Variants in DLGAP1 observed in about 807,000 individuals in gnomAD.
DLGAP1 encodes DLG associated protein 1, also known as disks large-associated protein 1.
A neutral mutation model predicts 90.8 loss-of-function variants in DLGAP1; 11 were observed. That is an observed-to-expected ratio of 0.12 (90% CI 0.08 to 0.20). The LOEUF (loss-of-function observed/expected upper bound fraction) is 0.20, where lower values mean the gene tolerates loss of function less well. Among genes scored for constraint, DLGAP1 ranks in the 10% least tolerant of loss-of-function variants. DLGAP1 has a pLI of 1.00. For missense variants in DLGAP1, 1,050 were observed against 1,333.8 expected (o/e 0.79, Z 3.31); for synonymous variants, 558 against 540.7 (o/e 1.03, Z -0.44).
At chr18:3,664,569 T>C (rs2059811332) in intron 7 of DLGAP1, among the ~76,000 whole-genome samples, 1 of 152,172 alleles carries the variant, frequency 6.6e-6, no homozygotes, top group Non-Finnish European at 1.5e-5. Context: ...CCTTTGACTC[T>C]TAGCTAATGA....
At chr18:4,014,225 A>G (rs1167915416) in intron 2 of DLGAP1, among the ~76,000 whole-genome samples, 2 of 151,926 alleles carry the variant, frequency 1.3e-5, no homozygotes, top group African/African-American at 4.8e-5. Flanking sequence ...AGCTGGGACT[A>G]CAGGTGCGCA....
intron 1 of DLGAP1, among the ~76,000 whole-genome samples, chr18:4,187,190 A>T (rs1020866876): frequency 2.6e-5 from 4 of 152,164 alleles, no homozygotes; most frequent in East Asian, 3.9e-4. Context: ...GAACCATTTC[A>T]TCGGCAAACA....
At chr18:4,368,645 AC>A (rs1363318413) in intron 1 of DLGAP1, among the ~76,000 whole-genome samples, 12 of 96,888 alleles carry the variant, frequency 1.2e-4, no homozygotes. Flanking sequence ...ATACACACAC[AC>A]ACACACACAC....
At chr18:4,166,427 G>C (rs1233461836) in intron 1 of DLGAP1, among the ~76,000 whole-genome samples, 2 of 152,102 alleles carry the variant, frequency 1.3e-5, no homozygotes, top group Non-Finnish European at 1.5e-5. Context: ...ATTGCTGGTG[G>C]GAATGTAAAA....
intron 1 of DLGAP1, among the ~76,000 whole-genome samples, chr18:4,272,621 T>C (rs112063368): frequency 0.011 from 1,685 of 152,314 alleles, 32 homozygotes; most frequent in African/African-American, 0.039. Flanking sequence ...TCAGACTGTT[T>C]TGCAGCACCA....
At chr18:3,584,101 C>T (rs977830370) in intron 7 of DLGAP1, among the ~76,000 whole-genome samples, 7 of 152,140 alleles carry the variant, frequency 4.6e-5, no homozygotes, top group Non-Finnish European at 1.0e-4. Flanking sequence ...AAGCTTTACA[C>T]GTTGGCTTTC....
chr18:4,055,165 G>A (rs1393460892), intron 2 of DLGAP1, among the ~76,000 whole-genome samples: 1 of 152,156 alleles, frequency 6.6e-6, no homozygotes, highest in Non-Finnish European at 1.5e-5. Context: ...GGTCACTGTG[G>A]TCACTGAGGG....
At chr18:3,918,275 G>T (rs560123467) in intron 3 of DLGAP1, among the ~76,000 whole-genome samples, 1 of 152,288 alleles carries the variant, frequency 6.6e-6, no homozygotes, top group African/African-American at 2.4e-5. Context: ...CTATGAAAAT[G>T]AAGCCATCCA....
At chr18:4,432,614 GTGT>G (rs2083313062) in intron 1 of DLGAP1, among the ~76,000 whole-genome samples, 1 of 151,964 alleles carries the variant, frequency 6.6e-6, no homozygotes, top group African/African-American at 2.4e-5. Flanking sequence ...GTGTGTGTGT[GTGT>G]GTGTGTGTGG....
At chr18:4,278,503 T>A (rs553806787) in intron 1 of DLGAP1, among the ~76,000 whole-genome samples, 1 of 152,302 alleles carries the variant, frequency 6.6e-6, no homozygotes, top group East Asian at 1.9e-4. Flanking sequence ...TGTGTACACA[T>A]TAGCTCCCAC....
At chr18:4,292,834 T>A (rs1026175024) in intron 1 of DLGAP1, among the ~76,000 whole-genome samples, 16 of 152,144 alleles carry the variant, frequency 1.1e-4, no homozygotes, top group Non-Finnish European at 2.1e-4. Context: ...CCAAACAACT[T>A]ATCAAAGAAG....
At chr18:3,763,864 G>A (rs181390875) in intron 5 of DLGAP1, among the ~76,000 whole-genome samples, 7 of 152,110 alleles carry the variant, frequency 4.6e-5, no homozygotes, top group African/African-American at 1.2e-4. Flanking sequence ...GTTTCACCAC[G>A]TTAGTCAGGC....
intron 1 of DLGAP1, among the ~76,000 whole-genome samples, chr18:4,182,019 T>G (rs2144666744): frequency 6.6e-6 from 1 of 152,226 alleles, no homozygotes; most frequent in Middle Eastern, 3.4e-3. Context: ...GTTGGCATGG[T>G]GGGGACTGGC....
intron 10 of DLGAP1, among the ~76,000 whole-genome samples, chr18:3,521,150 A>G (rs1215553231): frequency 1.3e-5 from 2 of 152,168 alleles, no homozygotes; most frequent in Admixed American, 1.3e-4. Context: ...CACTAGCTCA[A>G]CACCTCCTGT....
At chr18:3,668,898 C>T (rs1042592855) in intron 7 of DLGAP1, among the ~76,000 whole-genome samples, 1 of 151,942 alleles carries the variant, frequency 6.6e-6, no homozygotes, top group African/African-American at 2.4e-5. Context: ...GGTAGGAGAT[C>T]GTTTGAACCT....
At chr18:3,622,716 A>G (rs777879531) in intron 7 of DLGAP1, among the ~76,000 whole-genome samples, 4 of 152,240 alleles carry the variant, frequency 2.6e-5, no homozygotes, top group Non-Finnish European at 4.4e-5. Context: ...GCTAGCGGAA[A>G]GATAATCACT....
At chr18:4,302,938 G>C (rs972706030) in intron 1 of DLGAP1, among the ~76,000 whole-genome samples, 1 of 151,368 alleles carries the variant, frequency 6.6e-6, no homozygotes, top group Non-Finnish European at 1.5e-5. Flanking sequence ...TTATTTTTTT[G>C]GTTAACTTTA....
intron 1 of DLGAP1, among the ~76,000 whole-genome samples, chr18:4,358,928 C>T (rs1015368502): frequency 9.2e-5 from 14 of 152,178 alleles, no homozygotes; most frequent in African/African-American, 1.4e-4. Context: ...CCTGACAGTC[C>T]GTTCTCCATG....
At chr18:3,600,939 G>GATATATAGATATATATAGATAT in intron 7 of DLGAP1, among the ~76,000 whole-genome samples, 1 of 58,168 alleles carries the variant, frequency 1.7e-5, no homozygotes, top group South Asian at 5.7e-4. Flanking sequence ...TAGATATATA[G>GATATATAGATATATATAGATAT]ATAGATATAT....
Sources: gnomAD v4.1 joint callset for allele counts (sites outside exome capture counted in the v4.1 genomes callset) on GRCh38, gnomAD v4.1.1 for gene constraint, MANE v1.5 for transcripts, NCBI Gene and HGNC (gene_info 2026-07-23, HGNC 2026-07-21) for gene names.